The following CACNA1B variants were observed in gnomAD, a reference collection of about 807,000 sequenced individuals.
The protein encoded by CACNA1B is calcium voltage-gated channel subunit alpha1 B, also known as voltage-dependent N-type calcium channel subunit alpha-1B.
CACNA1B carries 70 observed loss-of-function variants against 247.2 expected under a neutral mutation model. That is an observed-to-expected ratio of 0.28 (90% CI 0.23 to 0.35). The LOEUF (loss-of-function observed/expected upper bound fraction) is 0.35, where lower values mean the gene tolerates loss of function less well. CACNA1B is among the 10% of genes least tolerant of loss of function. CACNA1B has a pLI of 1.00. For synonymous variants in CACNA1B, 1,231 were observed against 1,294.4 expected, an observed-to-expected ratio of 0.95 and a Z score of 1.05; for missense variants, 2,367 against 3,197.4, an observed-to-expected ratio of 0.74 and a Z score of 6.26.
At chr9:137,915,773 G>C (rs915508895) in intron 5 of CACNA1B, among the ~76,000 whole-genome samples, 5 of 150,730 alleles carry the variant, frequency 3.3e-5, no homozygotes, top group Non-Finnish European at 5.9e-5. Flanking sequence ...TCTAGTCCAC[G>C]TAGCATTTGT....
chr9:137,957,561 A>G lies in CACNA1B; in HGVS notation c.1244-37A>G. On this transcript the variant is annotated intron_variant, in intron 9 of 46. Coordinates refer to ENST00000371372, the MANE Select transcript of CACNA1B (RefSeq NM_000718.4). The surrounding 1 kb of genome is among the most constrained non-coding windows in gnomAD (Gnocchi z 4.7). ...CTGAGGCAGGTGGCCTGAGGGCTGC[A>G]GCTCAGGCAGTCTCTCCCATCCTTT... 3 of 1,491,396 alleles carry G rather than the reference A, an allele frequency of 2.0e-6. No individual in the cohort carries two copies. Among genetic ancestry groups the G allele is most frequent in the Non-Finnish European group, 1.8e-6 (2 of 1,102,944 alleles). The allele number at this position is 1,491,396 out of a possible 1,614,324, so 92.4% of individuals were successfully genotyped here.
intron 18 of CACNA1B, among the ~76,000 whole-genome samples, chr9:138,022,236 A>C (rs1958853886): frequency 6.6e-6 from 1 of 152,124 alleles, no homozygotes; most frequent in Non-Finnish European, 1.5e-5. Flanking sequence ...CTCTCCATGG[A>C]GTCAAGAGAG....
In CACNA1B at chr9:137,921,424, C is replaced by T. The variant is rs574436884; in HGVS notation, c.966+3993C>T. The stretch of plus-strand genomic sequence containing the variant: ...CGTTCGGAGAACATGGTCAGCACCA[C>T]GACCGCACAGCATCCTGGGAGCAGA... On this transcript the variant is annotated intron_variant, in intron 6 of 46. Transcript: ENST00000371372. 2.2e-3 allele frequency among the ~76,000 whole-genome samples: 337 copies of T among 151,722 alleles called. 3 individuals are homozygous for T. The highest frequency in any genetic ancestry group is 7.7e-3 in the African/African-American group (319 of 41,248).
At position 138,100,991 on chromosome 9, in the gene CACNA1B, ACCT is replaced by A. The variant is rs1961231872; in HGVS notation, c.5223-1717_5223-1715del. On this transcript the variant is annotated intron_variant, in intron 37 of 46. Transcript: ENST00000371372. The surrounding 1 kb of genome is among the most constrained non-coding windows in gnomAD (Gnocchi z 4.6). ...GTGCCACCTGTCCAGTGCACCCCTC[ACCT>A]CCGCCGCCACGCCTGCGCGAGGTCG... The A allele has an allele frequency of 4.6e-6, 2 of 431,546 alleles. No homozygotes were observed. Among genetic ancestry groups the A allele is most frequent in the South Asian group, 3.4e-5 (2 of 57,998 alleles). 26.7% of individuals were successfully genotyped at this position (431,546 alleles called of 1,614,324 possible).
chr9:137,978,162 C>G (rs1034702006), intron 12 of CACNA1B, among the ~76,000 whole-genome samples: 6 of 144,920 alleles, frequency 4.1e-5, no homozygotes, highest in African/African-American at 1.3e-4. Context: ...CTACTTCCCC[C>G]CCAGGAAGGA....
intron 31 of CACNA1B, among the ~76,000 whole-genome samples, chr9:138,064,193 A>G (rs575101699): frequency 2.0e-5 from 3 of 152,276 alleles, no homozygotes; most frequent in South Asian, 2.1e-4. Flanking sequence ...TTCTTTCTCC[A>G]GTGTGCAATT....
At chr9:138,115,530 C>A in intron 41 of CACNA1B, 22 bp from the exon 42 acceptor site, 1 of 1,608,132 alleles carries the variant, frequency 6.2e-7, no homozygotes, top group Non-Finnish European at 8.5e-7. Flanking sequence ...AGCTCTTTCC[C>A]TTCCCTTTGC....
chr9:137,917,119 T>G lies in CACNA1B; in HGVS notation c.776-122T>G. ...GGGATGGTGGGAAGTTGAGGGAGAG[T>G]TTCTGTTGGTGGCTGGTTCCTGCCC... On this transcript the variant is annotated intron_variant, in intron 5 of 46. Coordinates refer to ENST00000371372, the MANE Select transcript of CACNA1B (RefSeq NM_000718.4). This position sits in a 1 kb window ranked among gnomAD's most constrained non-coding sequence, Gnocchi z 5.5. The G allele has an allele frequency of 3.8e-6, 3 of 797,018 alleles. No individual in the cohort carries two copies. The highest frequency in any genetic ancestry group is 2.7e-5 in the East Asian group (1 of 36,762). 49.4% of individuals were successfully genotyped at this position (797,018 alleles called of 1,614,324 possible). A position where few individuals can be genotyped will look rare whatever the true frequency, so the allele number is the denominator to read the frequency against.
chr9:138,059,188 T>A lies in CACNA1B; in HGVS notation c.4583T>A (p.Leu1528Gln). The A allele has an allele frequency of 6.3e-7, 1 of 1,586,104 alleles. No homozygotes were observed. Among genetic ancestry groups the A allele is most frequent in the Non-Finnish European group, 8.7e-7 (1 of 1,154,886 alleles). ...CTGAAGATCATCGCCTTTGGGGTGC[T>A]GGTACGTGCTTTGGTCCCTGCTTTG... ...CVLKIIAFGV[L>Q]NYFRDAWNVF... Residue 1528 changes from leucine (L) to glutamine (Q), a missense_variant and splice_region_variant, in exon 30 of 47, where the codon CTG becomes CAG. Coordinates refer to ENST00000371372, the MANE Select transcript of CACNA1B (RefSeq NM_000718.4). This position sits in a 1 kb window ranked among gnomAD's most constrained non-coding sequence, Gnocchi z 4.2.
intron 11 of CACNA1B, among the ~76,000 whole-genome samples, chr9:137,972,374 G>A (rs12352971): frequency 3.9e-5 from 6 of 152,066 alleles, no homozygotes; most frequent in African/African-American, 1.2e-4. Flanking sequence ...TGTCTACAGC[G>A]GATCTGGAGA....
At chr9:137,966,435 G>A (rs953438075) in intron 10 of CACNA1B, among the ~76,000 whole-genome samples, 1 of 151,724 alleles carries the variant, frequency 6.6e-6, no homozygotes, top group Admixed American at 6.6e-5. Context: ...CACCGTGTTA[G>A]CCAGGATGGT....
chr9:138,109,546 C>T (rs375089274), intron 39 of CACNA1B, among the ~76,000 whole-genome samples: 105 of 152,212 alleles, frequency 6.9e-4, no homozygotes, highest in African/African-American at 2.4e-3. Context: ...CAGGTGTCTC[C>T]TATGAGACCA....
chr9:137,951,047 C>T (rs755219037), intron 6 of CACNA1B, among the ~76,000 whole-genome samples: 3 of 152,102 alleles, frequency 2.0e-5, no homozygotes, highest in South Asian at 2.1e-4. Flanking sequence ...GCTACAGCAG[C>T]GATATCTCCT....
intron 37 of CACNA1B, among the ~76,000 whole-genome samples, chr9:138,101,546 G>A (rs1037136261): frequency 9.8e-5 from 15 of 152,384 alleles, no homozygotes; most frequent in South Asian, 2.1e-4. Flanking sequence ...GCCAAAGGCC[G>A]AGGGCCCCAG....
chr9:138,001,914 A>G (rs1000375125), intron 15 of CACNA1B, among the ~76,000 whole-genome samples: 6 of 152,228 alleles, frequency 3.9e-5, no homozygotes, highest in African/African-American at 1.4e-4. Context: ...AAGGAGCTGT[A>G]TGTGTGCAGA....
intron 3 of CACNA1B, among the ~76,000 whole-genome samples, chr9:137,903,042 G>A (rs1289684355): frequency 1.3e-5 from 2 of 152,114 alleles, no homozygotes; most frequent in African/African-American, 4.8e-5. Flanking sequence ...TTATTTCCTT[G>A]GGACAAATGC....
chr9:137,917,154 G>A lies in CACNA1B; in HGVS notation c.776-87G>A. On this transcript the variant is annotated intron_variant, in intron 5 of 46. Transcript: ENST00000371372. This position sits in a 1 kb window ranked among gnomAD's most constrained non-coding sequence, Gnocchi z 5.5. Reference sequence around the variant, plus strand: ...TGGCTGGTTCCTGCCCACCTGCTGTGAGCTCTCCAGAGCCCAGGAATCCTG... The same window carrying A: ...TGGCTGGTTCCTGCCCACCTGCTGTAAGCTCTCCAGAGCCCAGGAATCCTG... 8.0e-7 allele frequency: 1 copy of A among 1,255,004 alleles called. No individual in the cohort carries two copies. The allele number at this position is 1,255,004 out of a possible 1,614,324, so 77.7% of individuals were successfully genotyped here. A position where few individuals can be genotyped will look rare whatever the true frequency, so the allele number is the denominator to read the frequency against.
At chr9:138,070,140 A>G (rs1391582015) in intron 32 of CACNA1B, among the ~76,000 whole-genome samples, 1 of 152,178 alleles carries the variant, frequency 6.6e-6, no homozygotes, top group Admixed American at 6.5e-5. Flanking sequence ...CTGCGAGTCC[A>G]TGGTTCCTGT....
intron 20 of CACNA1B, among the ~76,000 whole-genome samples, chr9:138,041,586 T>C (rs1283169385): frequency 2.0e-5 from 3 of 152,156 alleles, no homozygotes; most frequent in Non-Finnish European, 2.9e-5. Flanking sequence ...TCAATTGACA[T>C]TTTTTTCCTA....
Sources: allele counts gnomAD v4.1 joint callset (sites outside exome capture counted in the v4.1 genomes callset), GRCh38; gene constraint gnomAD v4.1.1; non-coding constraint Gnocchi (gnomAD v3.1); transcripts MANE v1.5; gene names NCBI Gene and HGNC (gene_info 2026-07-23, HGNC 2026-07-21).